The following PPP1R26 variants were observed in gnomAD, a reference collection of about 807,000 sequenced individuals.
PPP1R26 encodes the protein protein phosphatase 1 regulatory subunit 26.
A neutral mutation model predicts 67.6 loss-of-function variants in PPP1R26; 22 were observed. That is an observed-to-expected ratio of 0.33 (90% CI 0.23 to 0.46). The LOEUF is 0.46. Ranked by LOEUF, PPP1R26 falls within the 20% of genes least tolerant of loss-of-function variation. PPP1R26 has a pLI of 1.00. For missense variants in PPP1R26, 1,602 were observed against 1,651.4 expected, an observed-to-expected ratio of 0.97 and a Z score of 0.52; for synonymous variants, 729 against 717.2, an observed-to-expected ratio of 1.02 and a Z score of -0.26.
chr9:135,485,350 G>A lies in PPP1R26; in HGVS notation c.840G>A (p.Leu280=). ...CAAAGGTGGTGCATCGGCAGGGCCTGCTGGGCGTCCAGAAGGAGTTTGCCT... is the reference window on the plus strand; with the variant it reads ...CAAAGGTGGTGCATCGGCAGGGCCTACTGGGCGTCCAGAAGGAGTTTGCCT... ...PPTKVVHRQG[L]LGVQKEFAFR... is the part of the protein sequence containing the mutation. The change falls in exon 4 of 4, where the codon CTG becomes CTA. Residue 280 remains leucine (L), a synonymous_variant. Coordinates refer to ENST00000356818, the MANE Select transcript of PPP1R26 (RefSeq NM_014811.5). This position sits in a 1 kb window ranked among gnomAD's most constrained non-coding sequence, Gnocchi z 7.2. The A allele has an allele frequency of 6.2e-7, 1 of 1,612,914 alleles. No individual in the cohort carries two copies.
chr9:135,487,817 T>G lies in PPP1R26; in HGVS notation c.3307T>G (p.Phe1103Val). The G allele has an allele frequency of 6.3e-7, 1 of 1,591,440 alleles. No homozygotes were observed. Among genetic ancestry groups the G allele is most frequent in the South Asian group, 1.1e-5 (1 of 88,492 alleles). The change falls in exon 4 of 4, where the codon TTC (phenylalanine) becomes GTC (valine). Residue 1103 changes from phenylalanine to valine, a missense_variant. Physicochemically the swap from Phe to Val is conservative, Grantham distance 50 (BLOSUM62 -1). This residue lies in a region of PPP1R26 where 740 missense variants were observed against 696.3 expected (regional missense o/e 1.06). Coordinates refer to ENST00000356818, the MANE Select transcript of PPP1R26 (RefSeq NM_014811.5). ...VSWGGRQAGL[F>V]SPHLGLPLQG... ...CTGGGGGGGCAGGCAGGCTGGCCTCTTCAGCCCCCACCTGGGGCTGCCTCT... is the reference window on the plus strand; with the variant it reads ...CTGGGGGGGCAGGCAGGCTGGCCTCGTCAGCCCCCACCTGGGGCTGCCTCT...
rs756198560 is a variant in PPP1R26, at chr9:135,486,347, G to T, written c.1837G>T (p.Val613Leu). The T allele has an allele frequency of 6.2e-7, 1 of 1,613,030 alleles. No homozygotes were observed. Among genetic ancestry groups the T allele is most frequent in the Admixed American group, 1.7e-5 (1 of 60,008 alleles). Residue 613 changes from valine (V) to leucine (L), a missense_variant, in exon 4 of 4, where the codon GTG becomes TTG. By Grantham distance (32) the Val-to-Leu change is conservative. Around this residue, in one of 5 missense-constraint regions of PPP1R26, gnomAD observed 680 missense variants for 726.1 expected, o/e 0.94. Coordinates refer to ENST00000356818, the MANE Select transcript of PPP1R26 (RefSeq NM_014811.5). This position sits in a 1 kb window ranked among gnomAD's most constrained non-coding sequence, Gnocchi z 6.2. ...RPSTPKKMQEVVKDGSQDADH... is the reference protein window; with the variant it reads ...RPSTPKKMQELVKDGSQDADH... ...ATCCACGCCCAAGAAAATGCAGGAG[G>T]TGGTGAAAGACGGTAGCCAGGATGC...
Position 135,488,443 on chromosome 9 carries a change from T to C in PPP1R26, c.*303T>C. ...TGTGTTCTGCATACAAGTCTTAGCT[T>C]AGGAAACATTTGGTTCTTACCATCA... On this transcript the variant is annotated 3_prime_UTR_variant, in exon 4 of 4. Transcript: ENST00000356818. 7.8e-6 allele frequency: 2 copies of C among 254,944 alleles called. No homozygotes were observed. Among genetic ancestry groups the C allele is most frequent in the Middle Eastern group, 1.5e-3 (1 of 676 alleles). The allele number at this position is 254,944 out of a possible 1,614,324, so 15.8% of individuals were successfully genotyped here.
Position 135,485,897 on chromosome 9 carries a change from T to A in PPP1R26, c.1387T>A (p.Ser463Thr). 1 of 1,613,484 alleles carries A rather than the reference T, an allele frequency of 6.2e-7. No homozygotes were observed. The highest frequency in any genetic ancestry group is 8.5e-7 in the Non-Finnish European group (1 of 1,180,012). The change falls in exon 4 of 4, where the codon TCC (serine) becomes ACC (threonine). Residue 463 changes from serine (S) to threonine (T), a missense_variant. Physicochemically the swap from Ser to Thr is moderately conservative, Grantham distance 58. Transcript: ENST00000356818. This position sits in a 1 kb window ranked among gnomAD's most constrained non-coding sequence, Gnocchi z 7.2. ...TKAPPPASPASRSEFVERSSC... is the reference protein window; with the variant it reads ...TKAPPPASPATRSEFVERSSC... The stretch of plus-strand genomic sequence containing the variant: ...AGCTCCACCTCCAGCGAGCCCTGCT[T>A]CCAGGAGTGAGTTTGTGGAACGGTC...
rs371177420 is a variant in PPP1R26, at chr9:135,484,747, C to T, written c.237C>T (p.His79=). ...AQRGHRAEGC[H]DARPAAKPTV... The stretch of plus-strand genomic sequence containing the variant: ...GGGGCCACAGGGCAGAGGGATGCCA[C>T]GACGCCAGGCCGGCTGCCAAGCCCA... Residue 79 remains histidine, a synonymous_variant, in exon 4 of 4, where the codon CAC becomes CAT. Transcript: ENST00000356818. 1.5e-4 allele frequency: 249 copies of T among 1,609,844 alleles called. 1 individual carries two copies. Among genetic ancestry groups the T allele is most frequent in the Non-Finnish European group, 1.9e-4 (228 of 1,178,784 alleles).
chr9:135,487,176 G>C lies in PPP1R26; in HGVS notation c.2666G>C (p.Cys889Ser). The C allele has an allele frequency of 6.2e-7, 1 of 1,608,556 alleles. No homozygotes were observed. The highest frequency in any genetic ancestry group is 8.5e-7 in the Non-Finnish European group (1 of 1,178,456). The change falls in exon 4 of 4, where the codon TGC becomes TCC. Residue 889 changes from cysteine (C) to serine (S), a missense_variant. Coordinates refer to ENST00000356818, the MANE Select transcript of PPP1R26 (RefSeq NM_014811.5). ...GAGCCTGCCCCACCGCCTGGCGTGT[G>C]CACACGCAGCCAGAGGGCCAGGGGG... ...RKEPAPPPGV[C>S]TRSQRARGVP...
Position 135,485,380 on chromosome 9 carries a change from C to G in PPP1R26, c.870C>G (p.Arg290=). Residue 290 remains arginine, a synonymous_variant, in exon 4 of 4, where the codon CGC becomes CGG. Transcript: ENST00000356818. The surrounding 1 kb of genome is among the most constrained non-coding windows in gnomAD (Gnocchi z 7.2). ...GCGTCCAGAAGGAGTTTGCCTTCCG[C>G]AAACCTCCCCGGTTAGCGAAGATGA... The part of the protein sequence containing the change: ...LLGVQKEFAF[R]KPPRLAKMNV... 6.2e-7 allele frequency: 1 copy of G among 1,612,932 alleles called. No homozygotes were observed. Among genetic ancestry groups the G allele is most frequent in the Non-Finnish European group, 8.5e-7 (1 of 1,180,010 alleles).
At chr9:135,484,406 T>G (rs1830628997) in intron 3 of PPP1R26, 43 bp from the exon 4 acceptor site, 4 of 1,095,058 alleles carry the variant, frequency 3.7e-6, no homozygotes, top group Non-Finnish European at 5.3e-6. Context: ...CAGCTATCGC[T>G]GTTTGTAGCT....
Position 135,486,183 on chromosome 9 carries a change from G to C in PPP1R26, c.1673G>C (p.Cys558Ser). 1.2e-6 allele frequency: 2 copies of C among 1,613,024 alleles called. No individual in the cohort carries two copies. Among genetic ancestry groups the C allele is most frequent in the Non-Finnish European group, 1.7e-6 (2 of 1,180,026 alleles). The change falls in exon 4 of 4, where the codon TGC becomes TCC. Residue 558 changes from cysteine (C) to serine (S), a missense_variant. Cys to Ser is a moderately radical substitution (Grantham distance 112, BLOSUM62 -1). This residue lies in a region of PPP1R26 where 680 missense variants were observed against 726.1 expected (regional missense o/e 0.94). Coordinates refer to ENST00000356818, the MANE Select transcript of PPP1R26 (RefSeq NM_014811.5). This position sits in a 1 kb window ranked among gnomAD's most constrained non-coding sequence, Gnocchi z 6.2. ...AGTTTGCTGGCCAGAGGTGAGAGCT[G>C]CCCGCAGGCTGCCCAGGGTCCACTT... is the stretch of plus-strand genomic sequence containing the variant. ...SGSLLARGES[C>S]PQAAQGPLLP...
rs771061762 is a variant in PPP1R26 at position 135,484,622 on chromosome 9, G to T, written c.112G>T (p.Val38Leu). The T allele has an allele frequency of 3.1e-6, 5 of 1,611,988 alleles. No individual in the cohort carries two copies. In the Admixed American group the frequency reaches 6.7e-5, roughly 21 times the overall value. ...PRCFSEADEG[V>L]ESASVSARVQ... ...GTGCTTCTCGGAGGCTGACGAGGGC[G>T]TGGAGAGCGCGTCGGTGAGCGCCCG... The change falls in exon 4 of 4, where the codon GTG becomes TTG. Residue 38 changes from valine to leucine, a missense_variant. Transcript: ENST00000356818.
rs1358956750 is a variant in PPP1R26 at position 135,488,178 on chromosome 9, A to G, written c.*38A>G. On this transcript the variant is annotated 3_prime_UTR_variant, in exon 4 of 4. Transcript: ENST00000356818. ...TGGGTTCGCGTCCTGGGTTGCGTGC[A>G]TTCGTGGAAAGCGGCGTAGCCGTGC... The G allele has an allele frequency of 6.7e-7, 1 of 1,486,302 alleles. No individual in the cohort carries two copies. The highest frequency in any genetic ancestry group is 8.9e-7 in the Non-Finnish European group (1 of 1,120,684). 92.1% of individuals were successfully genotyped at this position (1,486,302 alleles called of 1,614,324 possible). A position where few individuals can be genotyped will look rare whatever the true frequency, so the allele number is the denominator to read the frequency against.
rs746919015 is a variant in PPP1R26, at chr9:135,485,791, G to A, written c.1281G>A (p.Lys427=). ...ETHRKTPSKK[K]LVATKTMDPG... Reference sequence around the variant, plus strand: ...ACAGGAAAACACCCAGCAAGAAGAAGCTAGTGGCCACCAAGACCATGGACC... The same window carrying A: ...ACAGGAAAACACCCAGCAAGAAGAAACTAGTGGCCACCAAGACCATGGACC... Residue 427 remains lysine (K), a synonymous_variant, in exon 4 of 4, where the codon AAG becomes AAA. Transcript: ENST00000356818. This position sits in a 1 kb window ranked among gnomAD's most constrained non-coding sequence, Gnocchi z 7.2. 6.2e-7 allele frequency: 1 copy of A among 1,612,640 alleles called. No individual in the cohort carries two copies. Among genetic ancestry groups the A allele is most frequent in the Non-Finnish European group, 8.5e-7 (1 of 1,180,006 alleles).
At position 135,487,251 on chromosome 9, in the gene PPP1R26, A is replaced by G. The variant is rs769355885; in HGVS notation, c.2741A>G (p.Gln914Arg). The G allele has an allele frequency of 1.1e-5, 18 of 1,570,746 alleles. No homozygotes were observed. The African/African-American group carries it at 2.0e-4, about 18-fold the overall frequency. ...CGAGGCACAGAGAGCGCAGGAGCAC[A>G]GGGCACAGCTGGTCTGTTCAGCCAG... ...GLRGTESAGA[Q>R]GTAGLFSQGG... The change falls in exon 4 of 4, where the codon CAG (glutamine) becomes CGG (arginine). Residue 914 changes from glutamine (Q) to arginine (R), a missense_variant. Physicochemically the swap from Gln to Arg is conservative, Grantham distance 43. Around this residue, in one of 5 missense-constraint regions of PPP1R26, gnomAD observed 740 missense variants for 696.3 expected, o/e 1.06. Transcript: ENST00000356818.
rs1485128830 is a variant in PPP1R26, at chr9:135,486,929, G to T, written c.2419G>T (p.Gly807Trp). The change falls in exon 4 of 4, where the codon GGG (glycine) becomes TGG (tryptophan). Residue 807 changes from glycine to tryptophan, a missense_variant. Coordinates refer to ENST00000356818, the MANE Select transcript of PPP1R26 (RefSeq NM_014811.5). The surrounding 1 kb of genome is among the most constrained non-coding windows in gnomAD (Gnocchi z 6.2). Reference sequence around the variant, plus strand: ...ACCCGCCTCCGCCTCTGCCTCCGAAGGGAATCCATTCCCCAGGGAGTCCCA... The same window carrying T: ...ACCCGCCTCCGCCTCTGCCTCCGAATGGAATCCATTCCCCAGGGAGTCCCA... Reference protein sequence around the residue: ...RRPASASASEGNPFPRESQGP... With the variant: ...RRPASASASEWNPFPRESQGP... 1.9e-6 allele frequency: 3 copies of T among 1,613,026 alleles called. 1 individual carries two copies. The highest frequency in any genetic ancestry group is 2.2e-5 in the South Asian group (2 of 91,088).
Position 135,484,497 on chromosome 9 carries a change from C to T in PPP1R26, c.-14C>T. 1 of 1,563,422 alleles carries T rather than the reference C, an allele frequency of 6.4e-7. No individual in the cohort carries two copies. Among genetic ancestry groups the T allele is most frequent in the Non-Finnish European group, 8.7e-7 (1 of 1,155,530 alleles). On this transcript the variant is annotated 5_prime_UTR_variant, in exon 4 of 4. Coordinates refer to ENST00000356818, the MANE Select transcript of PPP1R26 (RefSeq NM_014811.5). The stretch of plus-strand genomic sequence containing the variant: ...AAGCATCGCCCCTCTGCGCGCCCCT[C>T]CCCGTCTGCTAGAATGTTTCTCATG...
Position 135,482,950 on chromosome 9 carries a change from G to A in PPP1R26, c.-196+135G>A, listed in dbSNP as rs1830568942. 1.0e-5 allele frequency: 4 copies of A among 390,768 alleles called. 1 individual carries two copies. The Admixed American group carries it at 1.3e-4, about 13-fold the overall frequency. 24.2% of individuals were successfully genotyped at this position (390,768 alleles called of 1,614,324 possible). A position where few individuals can be genotyped will look rare whatever the true frequency, so the allele number is the denominator to read the frequency against. ...CCCTTTTGGGCTCACCTGTGTGTAG[G>A]TGGCCAGGCTCACCTTTTGTTTCTT... On this transcript the variant is annotated intron_variant, in intron 2 of 3. Coordinates refer to ENST00000356818, the MANE Select transcript of PPP1R26 (RefSeq NM_014811.5).
Position 135,485,954 on chromosome 9 carries a change from A to G in PPP1R26, c.1444A>G (p.Met482Val). ...SCRADTSAEL[M>V]CAEAILDISK... ...CCGGGCGGACACATCTGCTGAGCTG[A>G]TGTGTGCAGAAGCAATCCTGGACAT... Residue 482 changes from methionine to valine, a missense_variant, in exon 4 of 4, where the codon ATG (methionine) becomes GTG (valine). By Grantham distance (21) the Met-to-Val change is conservative (BLOSUM62 1). Transcript: ENST00000356818. This position sits in a 1 kb window ranked among gnomAD's most constrained non-coding sequence, Gnocchi z 7.2. 1 of 1,613,280 alleles carries G rather than the reference A, an allele frequency of 6.2e-7. No homozygotes were observed. The highest frequency in any genetic ancestry group is 8.5e-7 in the Non-Finnish European group (1 of 1,180,002).
In PPP1R26 at chr9:135,487,629, G is replaced by C; in HGVS notation, c.3119G>C (p.Trp1040Ser). Reference sequence around the variant, plus strand: ...CACCAGAGTCGGCTGCCCAGCCCGTGGGTGCTGCGCTCCGAAGGCAGAGAT... The same window carrying C: ...CACCAGAGTCGGCTGCCCAGCCCGTCGGTGCTGCGCTCCGAAGGCAGAGAT... ...FAHQSRLPSP[W>S]VLRSEGRDAV... The change falls in exon 4 of 4, where the codon TGG becomes TCG. Residue 1040 changes from tryptophan to serine, a missense_variant. This residue lies in a region of PPP1R26 where 740 missense variants were observed against 696.3 expected (regional missense o/e 1.06). Coordinates refer to ENST00000356818, the MANE Select transcript of PPP1R26 (RefSeq NM_014811.5). The C allele has an allele frequency of 6.7e-7, 1 of 1,483,946 alleles. No homozygotes were observed. Among genetic ancestry groups the C allele is most frequent in the South Asian group, 1.4e-5 (1 of 73,376 alleles). 91.9% of individuals were successfully genotyped at this position (1,483,946 alleles called of 1,614,324 possible). A position where few individuals can be genotyped will look rare whatever the true frequency, so the allele number is the denominator to read the frequency against.
rs185892712 is a variant in PPP1R26 at position 135,487,750 on chromosome 9, G to A, written c.3240G>A (p.Pro1080=). 1.6e-4 allele frequency: 239 copies of A among 1,473,012 alleles called. 2 individuals are homozygous for A. The Admixed American group carries it at 2.7e-3, about 17-fold the overall frequency. The allele number at this position is 1,473,012 out of a possible 1,614,324, so 91.2% of individuals were successfully genotyped here. A position where few individuals can be genotyped will look rare whatever the true frequency, so the allele number is the denominator to read the frequency against. The change falls in exon 4 of 4, where the codon CCG becomes CCA. Residue 1080 remains proline (P), a synonymous_variant. Transcript: ENST00000356818. The stretch of plus-strand genomic sequence containing the variant: ...GCCTGCCCCTTGCGGGCTTCTCGCC[G>A]CTGCTGTCCACCCAGCTCTTCCACT... ...LPSLPLAGFS[P]LLSTQLFHFG...
Sources: allele counts gnomAD v4.1 joint callset, GRCh38; gene constraint gnomAD v4.1.1; regional missense constraint gnomAD v4.1.1; non-coding constraint Gnocchi (gnomAD v3.1); transcripts MANE v1.5; gene names NCBI Gene and HGNC (gene_info 2026-07-23, HGNC 2026-07-21).